The following SGCZ variants were observed in gnomAD, a reference collection of about 807,000 sequenced individuals.
SGCZ encodes zeta-sarcoglycan.
In SGCZ, 40 loss-of-function variants were observed where a neutral mutation model predicts 41.3. The ratio of observed to expected loss-of-function variants is 0.97; its 90% CI spans 0.75 to 1.26. The LOEUF is 1.26. Ranked by LOEUF, SGCZ falls within the 50% of genes most tolerant of loss-of-function variation. SGCZ has a pLI of 0.00. For missense variants in SGCZ, 552 were observed against 369.8 expected (o/e 1.49, Z -4.04); for synonymous variants, 206 against 137.5 (o/e 1.50, Z -3.49).
chr8:14,855,187 G>T (rs1293871279), intron 1 of SGCZ, among the ~76,000 whole-genome samples: 1 of 151,792 alleles, frequency 6.6e-6, no homozygotes, highest in Non-Finnish European at 1.5e-5. Context: ...TGAGTAGCTG[G>T]GAATAAGGGA....
chr8:14,487,882 C>A (rs763631284), intron 2 of SGCZ: 1 of 149,720 alleles, frequency 6.7e-6, no homozygotes, highest in Non-Finnish European at 1.5e-5. Flanking sequence ...AAGTGAGCGT[C>A]TTAAGGACTG....
chr8:14,187,110 G>A (rs1380837630), intron 4 of SGCZ, among the ~76,000 whole-genome samples: 1 of 152,120 alleles, frequency 6.6e-6, no homozygotes, highest in Non-Finnish European at 1.5e-5. Context: ...GCCTAAGACT[G>A]TACCCTCTGA....
At chr8:14,524,924 C>T (rs1802894551) in intron 2 of SGCZ, among the ~76,000 whole-genome samples, 1 of 152,020 alleles carries the variant, frequency 6.6e-6, no homozygotes, top group Non-Finnish European at 1.5e-5. Flanking sequence ...ATTCTGGGTC[C>T]ACTGTCAAGC....
chr8:14,582,259 C>T (rs955229775), intron 1 of SGCZ, among the ~76,000 whole-genome samples: 4 of 151,962 alleles, frequency 2.6e-5, no homozygotes, highest in African/African-American at 7.3e-5. Context: ...ATTAACATCG[C>T]TAGGCTATTA....
In SGCZ at chr8:14,886,279, A is replaced by G. The variant is rs185007115; in HGVS notation, c.40-331353T>C. Among the ~76,000 whole-genome samples the G allele has an allele frequency of 6.9e-3, 1,042 of 152,064 alleles. 11 individuals are homozygous for G. The highest frequency in any genetic ancestry group is 0.038 in the South Asian group (181 of 4,826). ...ATTGTTTTCCATCCTGAGAGATAGC[A>G]TAGAATAAACTAGCAAAAATCCCTG... is the stretch of plus-strand genomic sequence containing the variant. On this transcript the variant is annotated intron_variant, in intron 1 of 7. Transcript: ENST00000382080.
At chr8:14,994,248 A>G (rs569789004) in intron 1 of SGCZ, among the ~76,000 whole-genome samples, 4 of 152,246 alleles carry the variant, frequency 2.6e-5, no homozygotes, top group Admixed American at 1.3e-4. Flanking sequence ...ATGTATCTCA[A>G]TTACAGTGGC....
chr8:15,170,673 AAATAG>A (rs1489268913), intron 1 of SGCZ, among the ~76,000 whole-genome samples: 2 of 152,208 alleles, frequency 1.3e-5, no homozygotes, highest in African/African-American at 4.8e-5. Flanking sequence ...TTTCAAAAGC[AAATAG>A]AAAAGTGTTT....
chr8:14,391,802 G>C lies in SGCZ; in HGVS notation c.235-67598C>G, dbSNP rs559304366. Among the ~76,000 whole-genome samples the C allele has an allele frequency of 1.6e-3, 240 of 152,268 alleles. 2 individuals are homozygous for C. Among genetic ancestry groups the C allele is most frequent in the African/African-American group, 5.1e-3 (211 of 41,550 alleles). ...GCTCACATTTCTTCAGGTTGTACAG[G>C]AAGCATAGCAGCTTCTGGGGAGGTT... On this transcript the variant is annotated intron_variant, in intron 2 of 7. Transcript: ENST00000382080.
intron 1 of SGCZ, among the ~76,000 whole-genome samples, chr8:14,910,983 T>TA (rs1799265610): frequency 1.3e-5 from 2 of 152,006 alleles, no homozygotes; most frequent in African/African-American, 4.8e-5. Context: ...CTAACAATCA[T>TA]ATCACTCATT....
chr8:15,154,825 A>G (rs1799283268), intron 1 of SGCZ, among the ~76,000 whole-genome samples: 1 of 152,246 alleles, frequency 6.6e-6, no homozygotes, highest in Non-Finnish European at 1.5e-5. Context: ...ATAAAAAGTT[A>G]TAGTCCTTTT....
At chr8:14,723,253 T>A (rs1251975829) in intron 1 of SGCZ, among the ~76,000 whole-genome samples, 2 of 152,030 alleles carry the variant, frequency 1.3e-5, no homozygotes, top group African/African-American at 4.8e-5. Flanking sequence ...AAGATGCAAA[T>A]ATTGAACCTG....
intron 3 of SGCZ, among the ~76,000 whole-genome samples, chr8:14,310,591 T>C (rs1801502723): frequency 6.6e-6 from 1 of 152,152 alleles, no homozygotes; most frequent in African/African-American, 2.4e-5. Flanking sequence ...GTTATTTTGC[T>C]TTGGTTAAAA....
intron 1 of SGCZ, among the ~76,000 whole-genome samples, chr8:14,752,031 A>T (rs1484526062): frequency 1.3e-5 from 2 of 151,862 alleles, no homozygotes; most frequent in African/African-American, 4.8e-5. Flanking sequence ...AGAAAAGGGA[A>T]AGTGAAGAGA....
At chr8:14,463,534 AT>A (rs541726248) in intron 2 of SGCZ, among the ~76,000 whole-genome samples, 81 of 151,666 alleles carry the variant, frequency 5.3e-4, no homozygotes, top group South Asian at 1.0e-3. Context: ...AAACTATAAA[AT>A]TTTTTTAAGG....
chr8:14,616,536 T>G (rs571777171), intron 1 of SGCZ, among the ~76,000 whole-genome samples: 1 of 152,136 alleles, frequency 6.6e-6, no homozygotes, highest in Non-Finnish European at 1.5e-5. Context: ...AATCATCAAA[T>G]GTAAATTTTA....
rs77680282 is a variant in SGCZ, at chr8:14,165,044, C to A, written c.425-342G>T. The A allele has an allele frequency of 5.3e-5, 13 of 246,830 alleles. No homozygotes were observed. In the East Asian group the frequency reaches 1.2e-3, roughly 22 times the overall value. The allele number at this position is 246,830 out of a possible 1,614,324, so 15.3% of individuals were successfully genotyped here. A position where few individuals can be genotyped will look rare whatever the true frequency, so the allele number is the denominator to read the frequency against. On this transcript the variant is annotated intron_variant, in intron 4 of 7. Coordinates refer to ENST00000382080, the MANE Select transcript of SGCZ (RefSeq NM_139167.4). ...ACCTTGGCATCATACCTGGCACCTGCTGGATGCTTAATAAGTACTTGTGGA... is the reference window on the plus strand; with the variant it reads ...ACCTTGGCATCATACCTGGCACCTGATGGATGCTTAATAAGTACTTGTGGA...
chr8:14,711,685 G>C (rs1265320053), intron 1 of SGCZ, among the ~76,000 whole-genome samples: 1 of 150,578 alleles, frequency 6.6e-6, no homozygotes, highest in Non-Finnish European at 1.5e-5. Flanking sequence ...TATGTAATAA[G>C]TCATATTTAC....
At chr8:14,459,462 T>C (rs1169847446) in intron 2 of SGCZ, among the ~76,000 whole-genome samples, 1 of 152,048 alleles carries the variant, frequency 6.6e-6, no homozygotes, top group Non-Finnish European at 1.5e-5. Flanking sequence ...AGTGTTCTAA[T>C]ACATATAGAA....
chr8:15,091,771 G>C (rs1431885039), intron 1 of SGCZ, among the ~76,000 whole-genome samples: 3 of 151,986 alleles, frequency 2.0e-5, no homozygotes, highest in African/African-American at 7.3e-5. Context: ...TATTTATTTA[G>C]AGACAGGGTC....
Sources: allele counts gnomAD v4.1 joint callset (sites outside exome capture counted in the v4.1 genomes callset), GRCh38; gene constraint gnomAD v4.1.1; transcripts MANE v1.5; gene names NCBI Gene and HGNC (gene_info 2026-07-23, HGNC 2026-07-21).